CNTNAP5: variants seen among roughly 807,000 people sequenced by gnomAD.
CNTNAP5 encodes contactin-associated protein-like 5.
Under a neutral mutation model 150.2 loss-of-function variants are expected in CNTNAP5, and 72 were observed. The ratio of observed to expected loss-of-function variants is 0.48; its 90% CI spans 0.40 to 0.58. CNTNAP5 has a LOEUF of 0.58. Among genes scored for constraint, CNTNAP5 ranks in the 20% least tolerant of loss-of-function variants. The probability of loss-of-function intolerance (pLI) is 0.00; values close to 1 mark genes in which losing one functional copy is unlikely to be tolerated. For synonymous variants in CNTNAP5, 672 were observed against 619.8 expected (o/e 1.08, Z -1.25); for missense variants, 1,636 against 1,626.2 (o/e 1.01, Z -0.10).
intron 11 of CNTNAP5, 149 bp downstream of exon 11, chr2:124,563,472 T>G (rs1695940355): frequency 5.0e-6 from 3 of 600,300 alleles, no homozygotes; most frequent in Non-Finnish European, 8.9e-6. Flanking sequence ...TACCAAACAC[T>G]TTGTTGGGCT....
chr2:124,433,341 G>A (rs2420854), intron 4 of CNTNAP5, among the ~76,000 whole-genome samples: 79,910 of 152,036 alleles, frequency 0.53, 21,067 homozygotes, highest in South Asian at 0.62. Context: ...AGGACACTTT[G>A]TTCCGTATAA....
intron 1 of CNTNAP5, among the ~76,000 whole-genome samples, chr2:124,152,563 G>C (rs781016989): frequency 5.9e-5 from 9 of 152,130 alleles, no homozygotes; most frequent in Admixed American, 5.9e-4. Flanking sequence ...ATATTTTTCA[G>C]GGTTGAGATC....
At chr2:124,235,289 G>T (rs975769948) in intron 2 of CNTNAP5, among the ~76,000 whole-genome samples, 15 of 152,126 alleles carry the variant, frequency 9.9e-5, no homozygotes, top group African/African-American at 3.6e-4. Context: ...TCTGGAAAAG[G>T]GGATAGTTCT....
intron 7 of CNTNAP5, among the ~76,000 whole-genome samples, chr2:124,486,228 C>T (rs144689324): frequency 1.3e-5 from 2 of 152,298 alleles, no homozygotes; most frequent in African/African-American, 4.8e-5. Flanking sequence ...CAGAAGTTCT[C>T]ACTTATAAGT....
chr2:124,786,678 A>G (rs1259838275), intron 17 of CNTNAP5, among the ~76,000 whole-genome samples: 1 of 152,052 alleles, frequency 6.6e-6, no homozygotes, highest in Non-Finnish European at 1.5e-5. Flanking sequence ...TGGGAGAGGG[A>G]GAGAAAATCC....
At chr2:124,030,044 A>G (rs1378218237) in intron 1 of CNTNAP5, among the ~76,000 whole-genome samples, 1 of 152,080 alleles carries the variant, frequency 6.6e-6, no homozygotes, top group African/African-American at 2.4e-5. Flanking sequence ...AAACTCTGCC[A>G]CTTTCTGGAT....
At chr2:124,026,597 G>A (rs988759606) in intron 1 of CNTNAP5, among the ~76,000 whole-genome samples, 2 of 152,212 alleles carry the variant, frequency 1.3e-5, no homozygotes, top group African/African-American at 4.8e-5. Flanking sequence ...TCTAGGCAGA[G>A]AAAGGGAAGT....
chr2:124,507,557 T>A (rs1427678649), intron 8 of CNTNAP5, among the ~76,000 whole-genome samples: 1 of 152,182 alleles, frequency 6.6e-6, no homozygotes, highest in Non-Finnish European at 1.5e-5. Context: ...GAGGTTCTGT[T>A]TACCAAGGTG....
intron 3 of CNTNAP5, among the ~76,000 whole-genome samples, chr2:124,297,571 T>C (rs1230265051): frequency 2.6e-5 from 4 of 152,044 alleles, no homozygotes; most frequent in Admixed American, 2.0e-4. Flanking sequence ...CTCCCTCATA[T>C]ATACAATCTT....
At chr2:124,128,432 G>C (rs1202594675) in intron 1 of CNTNAP5, among the ~76,000 whole-genome samples, 1 of 152,154 alleles carries the variant, frequency 6.6e-6, no homozygotes. Context: ...AGAGGATATG[G>C]AGAAATAGGA....
rs1366673435 is a variant in CNTNAP5 at position 124,629,944 on chromosome 2, A to AAAAAAAAC, written c.1877-17807_1877-17806insCAAAAAAA. 2.6e-4 allele frequency among the ~76,000 whole-genome samples: 39 copies of AAAAAAAAC among 149,790 alleles called. No individual in the cohort carries two copies. In the East Asian group the frequency reaches 7.2e-3, roughly 28 times the overall value. The stretch of plus-strand genomic sequence containing the variant: ...CTATAAACACCTCTATGCAAAAAAA[A>AAAAAAAAC]AAAAAAAAAAACTGGAAAACCTGGA... On this transcript the variant is annotated intron_variant, in intron 12 of 23. Transcript: ENST00000682447.
intron 21 of CNTNAP5, among the ~76,000 whole-genome samples, chr2:124,889,288 C>T (rs1052785492): frequency 8.6e-5 from 13 of 151,458 alleles, no homozygotes; most frequent in Admixed American, 6.6e-4. Flanking sequence ...GTAGTAGAGA[C>T]GGGGTTTCAC....
At chr2:124,636,293 A>G (rs1203633562) in intron 12 of CNTNAP5, among the ~76,000 whole-genome samples, 2 of 152,206 alleles carry the variant, frequency 1.3e-5, no homozygotes, top group Admixed American at 1.3e-4. Context: ...TCTATGAGGT[A>G]ATCGATGTAA....
At chr2:124,383,735 G>A (rs2104740668) in intron 3 of CNTNAP5, among the ~76,000 whole-genome samples, 1 of 152,200 alleles carries the variant, frequency 6.6e-6, no homozygotes, top group Non-Finnish European at 1.5e-5. Context: ...TACCATGATT[G>A]GCACTCCATG....
At chr2:124,635,372 C>T (rs2105013884) in intron 12 of CNTNAP5, among the ~76,000 whole-genome samples, 1 of 152,182 alleles carries the variant, frequency 6.6e-6, no homozygotes, top group South Asian at 2.1e-4. Flanking sequence ...TCACCTCCCA[C>T]CAGGATTCAT....
At chr2:124,911,320 T>C (rs759086107) in intron 22 of CNTNAP5, 147 bp from the exon 23 acceptor site, 6 of 633,734 alleles carry the variant, frequency 9.5e-6, no homozygotes, top group Non-Finnish European at 1.7e-5. Context: ...TGCATGTTTT[T>C]TGAGTTCCTT....
At chr2:124,318,597 T>G (rs1186608988) in intron 3 of CNTNAP5, among the ~76,000 whole-genome samples, 1 of 152,202 alleles carries the variant, frequency 6.6e-6, no homozygotes, top group Non-Finnish European at 1.5e-5. Context: ...AGGGAAGAGT[T>G]TGAAAAACAG....
intron 8 of CNTNAP5, among the ~76,000 whole-genome samples, chr2:124,518,714 TG>T (rs1490788887): frequency 6.6e-6 from 1 of 151,988 alleles, no homozygotes; most frequent in Non-Finnish European, 1.5e-5. Flanking sequence ...TGACCAGGTG[TG>T]GTAGCTCATG....
intron 3 of CNTNAP5, among the ~76,000 whole-genome samples, chr2:124,315,780 A>T (rs1688945186): frequency 6.6e-6 from 1 of 152,148 alleles, no homozygotes; most frequent in African/African-American, 2.4e-5. Context: ...AGCTTGAAAA[A>T]AATCTACCCC....
Sources: allele counts gnomAD v4.1 joint callset (sites outside exome capture counted in the v4.1 genomes callset), GRCh38; gene constraint gnomAD v4.1.1; transcripts MANE v1.5; gene names NCBI Gene and HGNC (gene_info 2026-07-23, HGNC 2026-07-21).